ZNF675: variants seen among roughly 807,000 people sequenced by gnomAD.
ZNF675 encodes the protein TRAF6 inhibitory zinc finger.
Under a neutral mutation model 56.1 loss-of-function variants are expected in ZNF675, and 36 were observed. The ratio of observed to expected loss-of-function variants is 0.64; its 90% CI spans 0.49 to 0.85. ZNF675 has a LOEUF of 0.85. ZNF675 is among the 40% of genes least tolerant of loss of function. The pLI is 0.00. For missense variants in ZNF675, 663 were observed against 654.2 expected (o/e 1.01, Z -0.15); for synonymous variants, 200 against 218.9 (o/e 0.91, Z 0.76).
At chr19:23,667,543 G>A (rs1250056032) in intron 1 of ZNF675, among the ~76,000 whole-genome samples, 1 of 152,112 alleles carries the variant, frequency 6.6e-6, no homozygotes, top group Non-Finnish European at 1.5e-5. Context: ...GTTACATACA[G>A]AGTATCGACA....
At chr19:23,676,416 C>T (rs1236182014) in intron 1 of ZNF675, among the ~76,000 whole-genome samples, 1 of 141,676 alleles carries the variant, frequency 7.1e-6, no homozygotes, top group African/African-American at 2.6e-5. Flanking sequence ...CAAAAAACTT[C>T]AGGCCAATAT....
chr19:23,654,525 T>C lies in ZNF675; in HGVS notation c.408A>G (p.Leu136=). Residue 136 remains leucine, a synonymous_variant, in exon 4 of 4, where the codon TTA becomes TTG. Coordinates refer to ENST00000359788, the MANE Select transcript of ZNF675 (RefSeq NM_138330.3). ...KGGYNGLNQC[L]PTMQSKMFQC... ...GAAACATTTTGCTCTGCATAGTTGG[T>C]AAACATTGGTTAAGTCCATTATAAC... The C allele has an allele frequency of 1.9e-6, 3 of 1,605,664 alleles. No homozygotes were observed. Among genetic ancestry groups the C allele is most frequent in the Non-Finnish European group, 2.6e-6 (3 of 1,176,074 alleles).
At chr19:23,664,979 C>T (rs536445768) in intron 1 of ZNF675, among the ~76,000 whole-genome samples, 28 of 151,874 alleles carry the variant, frequency 1.8e-4, no homozygotes, top group South Asian at 6.3e-4. Context: ...ATGATACCTC[C>T]GCCCAGAAGA....
At chr19:23,669,725 C>T (rs1968204727) in intron 1 of ZNF675, among the ~76,000 whole-genome samples, 1 of 151,996 alleles carries the variant, frequency 6.6e-6, no homozygotes, top group Non-Finnish European at 1.5e-5. Flanking sequence ...TTGTGGCACG[C>T]ACCTGTAATG....
chr19:23,669,723 C>T (rs891620109), intron 1 of ZNF675, among the ~76,000 whole-genome samples: 9 of 151,914 alleles, frequency 5.9e-5, no homozygotes, highest in Admixed American at 1.3e-4. Context: ...CATTGTGGCA[C>T]GCACCTGTAA....
chr19:23,663,681 C>T (rs1315143520), intron 1 of ZNF675, among the ~76,000 whole-genome samples: 1 of 152,186 alleles, frequency 6.6e-6, no homozygotes, highest in African/African-American at 2.4e-5. Context: ...CGTACCATTG[C>T]ACTCCAGCGT....
At chr19:23,681,218 G>A (rs1435797659) in intron 1 of ZNF675, among the ~76,000 whole-genome samples, 1 of 151,736 alleles carries the variant, frequency 6.6e-6, no homozygotes, top group Non-Finnish European at 1.5e-5. Flanking sequence ...TATTCCAGGA[G>A]ACATAGTCAT....
At chr19:23,666,240 C>T (rs1458218573) in intron 1 of ZNF675, among the ~76,000 whole-genome samples, 2 of 152,240 alleles carry the variant, frequency 1.3e-5, no homozygotes, top group African/African-American at 4.8e-5. Context: ...ACCATTCAGA[C>T]TGATTGTGGG....
Position 23,682,527 on chromosome 19 carries a change from C to G in ZNF675, c.3+4504G>C, listed in dbSNP as rs73551197. On this transcript the variant is annotated intron_variant, in intron 1 of 3. Transcript: ENST00000359788. The stretch of plus-strand genomic sequence containing the variant: ...TCATTTTAACCTTAACTGCACCTGC[C>G]TGTGCATCCCCAGCTTCCCAGGGCT... Among the ~76,000 whole-genome samples, 200 of 151,894 alleles carry G rather than the reference C, an allele frequency of 1.3e-3. 12 individuals carry two copies. The highest frequency in any genetic ancestry group is 4.3e-3 in the African/African-American group (179 of 41,210).
chr19:23,684,462 C>T (rs544631469), intron 1 of ZNF675, among the ~76,000 whole-genome samples: 10 of 151,570 alleles, frequency 6.6e-5, no homozygotes, highest in South Asian at 2.1e-4. Flanking sequence ...CTGGCCAACA[C>T]GGGAAAACCC....
chr19:23,656,241 C>G (rs913015225), intron 3 of ZNF675: 2 of 152,058 alleles, frequency 1.3e-5, no homozygotes, highest in African/African-American at 2.4e-5. Context: ...GCTCAAGGGC[C>G]AAAACACTTA....
At chr19:23,667,514 CCA>C (rs1465246734) in intron 1 of ZNF675, among the ~76,000 whole-genome samples, 14 of 152,094 alleles carry the variant, frequency 9.2e-5, no homozygotes, top group Non-Finnish European at 2.9e-5. Context: ...CAAAGGTTCT[CCA>C]CGTCCCCAGC....
Position 23,653,234 on chromosome 19 carries a change from T to G in ZNF675, c.1699A>C (p.Asn567His), listed in dbSNP as rs778115478. ...IHTGEKLQNW[N>H]V Reference sequence around the variant, plus strand: ...TGTTGTCAAAATCATTATCACACATTCCAGTTCTGTAGTTTCTCTCCAGTA... The same window carrying G: ...TGTTGTCAAAATCATTATCACACATGCCAGTTCTGTAGTTTCTCTCCAGTA... The change falls in exon 4 of 4, where the codon AAT (asparagine) becomes CAT (histidine). Residue 567 changes from asparagine (N) to histidine (H), a missense_variant. Asn to His is a moderately conservative substitution (Grantham distance 68). Transcript: ENST00000359788. 6.3e-7 allele frequency: 1 copy of G among 1,592,128 alleles called. No individual in the cohort carries two copies. Among genetic ancestry groups the G allele is most frequent in the Non-Finnish European group, 8.5e-7 (1 of 1,170,070 alleles).
chr19:23,677,839 G>C (rs967166358), intron 1 of ZNF675, among the ~76,000 whole-genome samples: 1 of 151,524 alleles, frequency 6.6e-6, no homozygotes, highest in Non-Finnish European at 1.5e-5. Context: ...GTCAGAGATG[G>C]CCGGCTACAG....
rs141664429 is a variant in ZNF675 at position 23,662,407 on chromosome 19, G to A, written c.131-198C>T. Among the ~76,000 whole-genome samples the A allele has an allele frequency of 8.0e-3, 1,054 of 131,886 alleles. 9 individuals carry two copies. The highest frequency in any genetic ancestry group is 0.026 in the African/African-American group (944 of 35,772). The allele number at this position is 131,886 out of a possible 152,430, so 86.5% of individuals were successfully genotyped here. A position where few individuals can be genotyped will look rare whatever the true frequency, so the allele number is the denominator to read the frequency against. On this transcript the variant is annotated intron_variant, in intron 2 of 3. Transcript: ENST00000359788. ...CTTAATTTCACTACCCAGTACTACTGAATCAAAACTTGGTGTTGGCAATTA... is the reference window on the plus strand; with the variant it reads ...CTTAATTTCACTACCCAGTACTACTAAATCAAAACTTGGTGTTGGCAATTA...
rs747899431 is a variant in ZNF675, at chr19:23,663,052, T to C, written c.110A>G (p.Tyr37Cys). Residue 37 changes from tyrosine to cysteine, a missense_variant, in exon 2 of 4, where the codon TAC (tyrosine) becomes TGC (cysteine). Coordinates refer to ENST00000359788, the MANE Select transcript of ZNF675 (RefSeq NM_138330.3). ...CTTACCCAGGAAGACCAGGTTTCTG[T>C]AGTTCTCTAAAATCACATTTTTATA... ...NLYKNVILEN[Y>C]RNLVFLGIAV... 1.2e-6 allele frequency: 2 copies of C among 1,602,422 alleles called. No homozygotes were observed. Among genetic ancestry groups the C allele is most frequent in the Non-Finnish European group, 1.7e-6 (2 of 1,176,022 alleles).
Position 23,687,197 on chromosome 19 carries a change from G to T in ZNF675, c.-164C>A. 1 of 804,560 alleles carries T rather than the reference G, an allele frequency of 1.2e-6. No homozygotes were observed. Among genetic ancestry groups the T allele is most frequent in the South Asian group, 1.5e-5 (1 of 64,918 alleles). 49.8% of individuals were successfully genotyped at this position (804,560 alleles called of 1,614,324 possible). A position where few individuals can be genotyped will look rare whatever the true frequency, so the allele number is the denominator to read the frequency against. Reference sequence around the variant, plus strand: ...AGAGACAAAGGCGCCGCCAAATCCCGGAAGCCATCTTGTCTGCTCCAGCTG... The same window carrying T: ...AGAGACAAAGGCGCCGCCAAATCCCTGAAGCCATCTTGTCTGCTCCAGCTG... On this transcript the variant is annotated 5_prime_UTR_variant, in exon 1 of 4. Coordinates refer to ENST00000359788, the MANE Select transcript of ZNF675 (RefSeq NM_138330.3).
At chr19:23,684,123 G>T (rs181155662) in intron 1 of ZNF675, among the ~76,000 whole-genome samples, 1 of 151,726 alleles carries the variant, frequency 6.6e-6, no homozygotes, top group Non-Finnish European at 1.5e-5. Flanking sequence ...TTAGCTGGGC[G>T]TGGTGGCGGG....
chr19:23,664,616 C>T (rs1474294183), intron 1 of ZNF675, among the ~76,000 whole-genome samples: 1 of 152,174 alleles, frequency 6.6e-6, no homozygotes, highest in East Asian at 1.9e-4. Flanking sequence ...ACCCCTCATA[C>T]TTGATTTTGG....
Sources: gnomAD v4.1 joint callset for allele counts (sites outside exome capture counted in the v4.1 genomes callset) on GRCh38, gnomAD v4.1.1 for gene constraint, MANE v1.5 for transcripts, NCBI Gene and HGNC (gene_info 2026-07-23, HGNC 2026-07-21) for gene names.